RFC3: variants seen among roughly 807,000 people sequenced by gnomAD.
RFC3 encodes the protein replication factor C subunit 3, also known as A1 38 kDa subunit.
In RFC3, 41 loss-of-function variants were observed where a neutral mutation model predicts 45.1. That is an observed-to-expected ratio of 0.91 (90% CI 0.71 to 1.18). The LOEUF is 1.18. RFC3 is among the 50% of genes most tolerant of loss of function. The pLI is 0.00. For missense variants in RFC3, 423 were observed against 428.1 expected (o/e 0.99, Z 0.10); for synonymous variants, 149 against 144.0 (o/e 1.03, Z -0.25).
At position 33,829,835 on chromosome 13, in the gene RFC3, G is replaced by A. The variant is rs763321786; in HGVS notation, c.392-1G>A. The stretch of plus-strand genomic sequence containing the variant: ...GTTTGTTTTGTTTCTCTTTGACTCA[G>A]TGGTATTATTGACAGAAGTTGACAA... On this transcript the variant is annotated splice_acceptor_variant, in intron 4 of 8. Coordinates refer to ENST00000380071, the MANE Select transcript of RFC3 (RefSeq NM_002915.4). LOFTEE classifies it high-confidence loss of function. 1.2e-6 allele frequency: 2 copies of A among 1,613,320 alleles called. No individual in the cohort carries two copies. Among genetic ancestry groups the A allele is most frequent in the East Asian group, 2.2e-5 (1 of 44,872 alleles).
At chr13:33,975,684 A>G in the RFC3 span, among the ~76,000 whole-genome samples, 1 of 152,200 alleles carries the variant, frequency 6.6e-6, no homozygotes, top group African/African-American at 2.4e-5. Flanking sequence ...AATGAGTGGA[A>G]TCTATGAGAC....
chr13:33,945,191 A>G (rs1185797700), intron 8 of RFC3, among the ~76,000 whole-genome samples: 2 of 152,124 alleles, frequency 1.3e-5, no homozygotes, highest in East Asian at 3.9e-4. Context: ...TTTCCATTTT[A>G]ACCATTATAT....
intron 8 of RFC3, among the ~76,000 whole-genome samples, chr13:33,933,616 G>A (rs1016611141): frequency 2.0e-5 from 3 of 151,924 alleles, no homozygotes; most frequent in African/African-American, 7.3e-5. Context: ...AATGTACAAA[G>A]TATTTCATTG....
intron 6 of RFC3, among the ~76,000 whole-genome samples, 198 bp downstream of exon 6, chr13:33,831,053 A>G (rs968749410): frequency 6.6e-5 from 10 of 152,316 alleles, no homozygotes; most frequent in African/African-American, 1.7e-4. Flanking sequence ...GCAGTTCACA[A>G]TACGGTTCAC....
intron 8 of RFC3, among the ~76,000 whole-genome samples, chr13:33,940,807 A>G (rs1289470017): frequency 4.6e-5 from 7 of 152,200 alleles, no homozygotes; most frequent in Non-Finnish European, 1.0e-4. Context: ...CCATTCATCT[A>G]CATTCTGCCT....
intron 8 of RFC3, among the ~76,000 whole-genome samples, chr13:33,860,180 A>T (rs1430389400): frequency 1.3e-5 from 2 of 151,278 alleles, no homozygotes; most frequent in African/African-American, 4.9e-5. Context: ...TGTTTAAGCC[A>T]CTCCACCTGT....
At chr13:33,823,373 G>A (rs1160510105) in intron 2 of RFC3, among the ~76,000 whole-genome samples, 1 of 152,118 alleles carries the variant, frequency 6.6e-6, no homozygotes, top group African/African-American at 2.4e-5. Flanking sequence ...TTTGAGTTCA[G>A]AAAACAAAAT....
chr13:33,941,763 T>G (rs1265665802), intron 8 of RFC3, among the ~76,000 whole-genome samples: 1 of 152,122 alleles, frequency 6.6e-6, no homozygotes, highest in African/African-American at 2.4e-5. Context: ...TGAAACTTCT[T>G]GAATGTATGG....
At chr13:33,877,102 A>G (rs545641588) in intron 8 of RFC3, among the ~76,000 whole-genome samples, 3 of 152,334 alleles carry the variant, frequency 2.0e-5, no homozygotes, top group East Asian at 3.9e-4. Flanking sequence ...GCATTATCCA[A>G]TTGGATTCAT....
At chr13:33,839,348 A>T (rs1022038206), downstream of RFC3, among the ~76,000 whole-genome samples, 1 of 152,100 alleles carries the variant, frequency 6.6e-6, no homozygotes, top group African/African-American at 2.4e-5. Context: ...TGCCATTTTT[A>T]TCCAGCAAAG....
chr13:33,883,532 TCA>T (rs913903734), intron 8 of RFC3, among the ~76,000 whole-genome samples: 1 of 151,252 alleles, frequency 6.6e-6, no homozygotes, highest in Non-Finnish European at 1.5e-5. Context: ...ACACAAACAC[TCA>T]CACCTGAAAC....
chr13:33,839,838 T>C (rs1297358513), downstream of RFC3, among the ~76,000 whole-genome samples: 5 of 152,224 alleles, frequency 3.3e-5, no homozygotes, highest in African/African-American at 1.2e-4. Flanking sequence ...TTGTTTTGCA[T>C]TCCTTTTGGA....
intron 8 of RFC3, among the ~76,000 whole-genome samples, chr13:33,897,082 A>G (rs1411837992): frequency 1.3e-5 from 2 of 152,140 alleles, no homozygotes; most frequent in Non-Finnish European, 2.9e-5. Context: ...CATGGGTAAA[A>G]TTAAGTACAT....
At chr13:33,894,530 T>C (rs1311854342) in intron 8 of RFC3, among the ~76,000 whole-genome samples, 1 of 152,052 alleles carries the variant, frequency 6.6e-6, no homozygotes, top group African/African-American at 2.4e-5. Context: ...AAGTGGGAAG[T>C]GTGCTTCAGC....
chr13:33,841,166 A>C (rs536592991), downstream of RFC3, among the ~76,000 whole-genome samples: 44 of 152,286 alleles, frequency 2.9e-4, no homozygotes, highest in African/African-American at 9.4e-4. Flanking sequence ...TGAGACTCTA[A>C]TGCCTGATGA....
At chr13:33,951,876 A>G (rs1245813408) in intron 8 of RFC3, among the ~76,000 whole-genome samples, 1 of 152,248 alleles carries the variant, frequency 6.6e-6, no homozygotes, top group East Asian at 1.9e-4. Context: ...AAATATTATT[A>G]TCATTATCTT....
chr13:33,949,625 C>T (rs1387849029), intron 8 of RFC3, among the ~76,000 whole-genome samples: 10 of 152,084 alleles, frequency 6.6e-5, no homozygotes, highest in East Asian at 1.9e-4. Context: ...TTTAGGTGCA[C>T]GTGATGATTA....
At chr13:33,886,791 C>A (rs1445079883) in intron 8 of RFC3, among the ~76,000 whole-genome samples, 4 of 122,028 alleles carry the variant, frequency 3.3e-5, no homozygotes, top group Middle Eastern at 4.7e-3. Context: ...CCCCTCCCCC[C>A]ACCCCACAAC....
chr13:33,835,251 C>T, intron 8 of RFC3, 34 bp downstream of exon 8: 1 of 1,467,896 alleles, frequency 6.8e-7, no homozygotes, highest in Non-Finnish European at 9.5e-7. Context: ...CTTTTTACAG[C>T]TATAAAATTT....
Sources: gnomAD v4.1 joint callset for allele counts (sites outside exome capture counted in the v4.1 genomes callset) on GRCh38, gnomAD v4.1.1 for gene constraint, MANE v1.5 for transcripts, NCBI Gene and HGNC (gene_info 2026-07-23, HGNC 2026-07-21) for gene names.